SRPX: variants seen among roughly 807,000 people sequenced by gnomAD.
The protein encoded by SRPX is sushi repeat containing protein X-linked.
In SRPX, 24 loss-of-function variants were observed where a neutral mutation model predicts 38.1. That is an observed-to-expected ratio of 0.63 (90% confidence interval 0.46 to 0.89). SRPX has a LOEUF of 0.89. Among genes scored for constraint, SRPX ranks in the 40% least tolerant of loss-of-function variants. The pLI, the probability that SRPX is intolerant of heterozygous loss-of-function variation, is 0.00. For missense variants in SRPX, 416 were observed against 377.8 expected (o/e 1.10, Z -0.84); for synonymous variants, 184 against 153.8 (o/e 1.20, Z -1.45).
At position 38,154,461 on chromosome X, in the gene SRPX, C is replaced by T; in HGVS notation, c.1211+1G>A. 8.3e-7 allele frequency: 1 copy of T among 1,202,809 alleles called. No homozygotes were observed. The highest frequency in any genetic ancestry group is 3.0e-5 in the East Asian group (1 of 33,613). On this transcript the variant is annotated splice_donor_variant, in intron 9 of 9. Transcript: ENST00000378533. LOFTEE classifies it high-confidence loss of function. ...GATTTAAGAACAGAACTTCCCCCTACCTGAGCTGCAGCGCTAGGGCTGGAG... is the reference window on the plus strand; with the variant it reads ...GATTTAAGAACAGAACTTCCCCCTATCTGAGCTGCAGCGCTAGGGCTGGAG...
At chrX:38,187,900 T>C (rs1938816952) in intron 1 of SRPX, among the ~76,000 whole-genome samples, 1 of 112,443 alleles carries the variant, frequency 8.9e-6, no homozygotes. Flanking sequence ...TATTCTGTTA[T>C]ATCTTGGCAA....
At position 38,174,499 on chromosome X, in the gene SRPX, A is replaced by G. The variant is rs189400115; in HGVS notation, c.158-148T>C. On this transcript the variant is annotated intron_variant, in intron 2 of 9. Transcript: ENST00000378533. ...CATGTTTTCTTAGGTGTCTCCGGGT[A>G]GGGAGGTTATGATCATGGGACTAAG... 2,324 of 364,291 alleles carry G rather than the reference A, an allele frequency of 6.4e-3. 51 individuals carry two copies. The highest frequency in any genetic ancestry group is 0.056 in the African/African-American group (2,109 of 37,524). The allele number at this position is 364,291 out of a possible 1,213,427, so 30.0% of individuals were successfully genotyped here.
At chrX:38,195,384 T>G (rs1303991077) in intron 1 of SRPX, among the ~76,000 whole-genome samples, 2 of 55,419 alleles carry the variant, frequency 3.6e-5, no homozygotes, top group African/African-American at 9.3e-5. Flanking sequence ...TGTTTGTGGT[T>G]TTTTTTTTTT....
chrX:38,186,505 G>A (rs775614880), intron 1 of SRPX, among the ~76,000 whole-genome samples: 40 of 112,040 alleles, frequency 3.6e-4, no homozygotes, highest in African/African-American at 1.2e-3. Context: ...AAGTACAAAA[G>A]GAGGAAGGGA....
intron 1 of SRPX, 89 bp downstream of exon 1, chrX:38,220,607 C>T: frequency 9.0e-7 from 1 of 1,111,332 alleles, no homozygotes. Flanking sequence ...GCCCCCGGCA[C>T]CTCCCTCTAT....
chrX:38,216,886 T>A (rs182046569), intron 1 of SRPX, among the ~76,000 whole-genome samples: 1 of 112,613 alleles, frequency 8.9e-6, no homozygotes, highest in East Asian at 2.8e-4. Context: ...CAGCTTGCGG[T>A]TGCAGTCAGT....
chrX:38,200,216 C>T (rs1279039363), intron 1 of SRPX, among the ~76,000 whole-genome samples: 1 of 112,190 alleles, frequency 8.9e-6, no homozygotes, highest in Non-Finnish European at 1.9e-5. Context: ...TAATTTCTCA[C>T]AATTCACTCT....
intron 1 of SRPX, among the ~76,000 whole-genome samples, chrX:38,194,817 C>T (rs1336889718): frequency 1.9e-5 from 2 of 102,657 alleles, no homozygotes; most frequent in African/African-American, 7.2e-5. Context: ...ATACACAAGT[C>T]AAAAGCATGC....
In SRPX at chrX:38,154,656, G is replaced by A. The variant is rs1007934832; in HGVS notation, c.1090-73C>T. 6.1e-6 allele frequency: 7 copies of A among 1,141,422 alleles called. No homozygotes were observed. The African/African-American group carries it at 7.2e-5, about 12-fold the overall frequency. 94.1% of individuals were successfully genotyped at this position (1,141,422 alleles called of 1,213,427 possible). ...AGACATCCTTATCAAACTAGAAACC[G>A]ACAGAAGCAGCACTGGCCTGTCTCT... is the stretch of plus-strand genomic sequence containing the variant. On this transcript the variant is annotated intron_variant, in intron 8 of 9. Coordinates refer to ENST00000378533, the MANE Select transcript of SRPX (RefSeq NM_006307.5).
At chrX:38,203,861 CA>C (rs1174265453) in intron 1 of SRPX, among the ~76,000 whole-genome samples, 2 of 112,277 alleles carry the variant, frequency 1.8e-5, no homozygotes, top group Admixed American at 9.4e-5. Context: ...TAGAAAATCT[CA>C]AAGAATCGAC....
At chrX:38,200,723 T>G (rs1939094793) in intron 1 of SRPX, among the ~76,000 whole-genome samples, 1 of 111,725 alleles carries the variant, frequency 9.0e-6, no homozygotes, top group South Asian at 3.8e-4. Flanking sequence ...ATAATGGCAT[T>G]AATCTATTCA....
chrX:38,157,546 T>C (rs982544445), intron 7 of SRPX, among the ~76,000 whole-genome samples: 16 of 111,972 alleles, frequency 1.4e-4, no homozygotes, highest in African/African-American at 4.5e-4. Flanking sequence ...GCCTCCTTTA[T>C]ATAAGAAGGC....
chrX:38,220,813 G>C lies in SRPX; in HGVS notation c.-21C>G. ...CCCATGGCGAGCGGGCGCTTAGCTC[G>C]CCTCGGCAGCGCAGCGCGCTTCCCG... On this transcript the variant is annotated 5_prime_UTR_variant, in exon 1 of 10. Transcript: ENST00000378533. 1 of 1,079,207 alleles carries C rather than the reference G, an allele frequency of 9.3e-7. No homozygotes were observed. Among genetic ancestry groups the C allele is most frequent in the Admixed American group, 3.7e-5 (1 of 26,941 alleles). The allele number at this position is 1,079,207 out of a possible 1,213,427, so 88.9% of individuals were successfully genotyped here. A position where few individuals can be genotyped will look rare whatever the true frequency, so the allele number is the denominator to read the frequency against.
intron 7 of SRPX, 94 bp downstream of exon 7, chrX:38,159,923 C>T: frequency 2.3e-5 from 23 of 1,006,370 alleles, no homozygotes; most frequent in Non-Finnish European, 2.8e-5. Context: ...CCATGAACTT[C>T]TCAAAGTATA....
At chrX:38,162,769 G>A (rs1355933266) in intron 5 of SRPX, among the ~76,000 whole-genome samples, 1 of 112,641 alleles carries the variant, frequency 8.9e-6, no homozygotes, top group Non-Finnish European at 1.9e-5. Context: ...AGCCAAGATC[G>A]TGCCACTGCA....
intron 1 of SRPX, among the ~76,000 whole-genome samples, chrX:38,208,568 C>T (rs1280748776): frequency 1.8e-5 from 2 of 111,955 alleles, no homozygotes; most frequent in Non-Finnish European, 1.9e-5. Context: ...TATCAAACTA[C>T]TGAGTGGCAA....
Position 38,172,035 on chromosome X carries a change from G to T in SRPX, c.372C>A (p.Ala124=). The change falls in exon 4 of 10, where the codon GCC becomes GCA. Residue 124 remains alanine, a synonymous_variant. Transcript: ENST00000378533. The part of the protein sequence containing the change: ...ICKQKRCPTL[A]MPANGGFKCV... ...ACTTAAACCCTCCATTTGCTGGCAT[G>T]GCAAGGGTAGGACATCGCTTTTCTG... 1.7e-6 allele frequency: 2 copies of T among 1,211,305 alleles called. No homozygotes were observed. Among genetic ancestry groups the T allele is most frequent in the Non-Finnish European group, 2.2e-6 (2 of 895,086 alleles).
intron 1 of SRPX, among the ~76,000 whole-genome samples, chrX:38,194,862 G>GT (rs1938965542): frequency 3.7e-4 from 29 of 78,346 alleles, no homozygotes; most frequent in African/African-American, 1.5e-3. Context: ...GTTTGTTTTT[G>GT]GTTTTTTTTT....
rs201000269 is a variant in SRPX at position 38,160,939 on chromosome X, C to G, written c.769G>C (p.Val257Leu). The change falls in exon 6 of 10, where the codon GTA becomes CTA. Residue 257 changes from valine to leucine, a missense_variant. Val to Leu is a conservative substitution (Grantham distance 32, BLOSUM62 1). Transcript: ENST00000378533. ...CAATAAGCAGTACTCTTACCTCTTA[C>G]TTTAACTCGAAATTTGCAAGTGCCC... ...NKGTCKFRVK[V>L]RVKRCGKLNA... is the part of the protein sequence containing the mutation. The G allele has an allele frequency of 1.7e-4, 209 of 1,207,793 alleles. No individual in the cohort carries two copies. The highest frequency in any genetic ancestry group is 2.1e-4 in the Non-Finnish European group (192 of 894,051).
Sources: gnomAD v4.1 joint callset for allele counts (sites outside exome capture counted in the v4.1 genomes callset) on GRCh38, gnomAD v4.1.1 for gene constraint, MANE v1.5 for transcripts, NCBI Gene and HGNC (gene_info 2026-07-23, HGNC 2026-07-21) for gene names.